The following PCDH17 variants were observed in gnomAD, a reference collection of about 807,000 sequenced individuals.
PCDH17 encodes protocadherin 17, also known as protocadherin-17.
A neutral mutation model predicts 67.7 loss-of-function variants in PCDH17; 21 were observed. The ratio of observed to expected loss-of-function variants is 0.31; its 90% CI spans 0.22 to 0.45. The LOEUF is 0.45. Among genes scored for constraint, PCDH17 ranks in the 20% least tolerant of loss-of-function variants. The pLI, the probability that PCDH17 is intolerant of heterozygous loss-of-function variation, is 1.00. For synonymous variants in PCDH17, 701 were observed against 656.7 expected (o/e 1.07, Z -1.03); for missense variants, 1,471 against 1,564.8 (o/e 0.94, Z 1.01).
chr13:57,710,977 T>C (rs1383017143), intron 3 of PCDH17, among the ~76,000 whole-genome samples: 1 of 151,758 alleles, frequency 6.6e-6, no homozygotes, highest in Non-Finnish European at 1.5e-5. Context: ...AGTGTGCATG[T>C]GCATGCACAC....
intron 3 of PCDH17, among the ~76,000 whole-genome samples, chr13:57,721,745 C>T (rs1364465000): frequency 6.6e-6 from 1 of 152,038 alleles, no homozygotes; most frequent in Non-Finnish European, 1.5e-5. Context: ...ATTCTCGTTT[C>T]CCTCCTTCCC....
At position 57,635,259 on chromosome 13, in the gene PCDH17, G is replaced by A. The variant is rs922475582; in HGVS notation, c.2565+148G>A. On this transcript the variant is annotated intron_variant, in intron 1 of 3. Coordinates refer to ENST00000377918, the MANE Select transcript of PCDH17 (RefSeq NM_001040429.3). ...AAACGGTTTACACTTTTGACACTGT[G>A]TATACATCATATTCTACATATAACC... 6 of 718,792 alleles carry A rather than the reference G, an allele frequency of 8.3e-6. No homozygotes were observed. In the Admixed American group the frequency reaches 1.2e-4, roughly 14 times the overall value. The allele number at this position is 718,792 out of a possible 1,614,324, so 44.5% of individuals were successfully genotyped here.
intron 1 of PCDH17, among the ~76,000 whole-genome samples, chr13:57,663,863 C>T (rs1818009057): frequency 6.6e-6 from 1 of 152,080 alleles, no homozygotes; most frequent in African/African-American, 2.4e-5. Flanking sequence ...CTCTCTCCCA[C>T]TTTCTTTCTC....
chr13:57,631,632 G>T (rs141794282), upstream of PCDH17, among the ~76,000 whole-genome samples: 473 of 152,270 alleles, frequency 3.1e-3, 1 homozygote, highest in African/African-American at 0.01. Context: ...CACAGCAAAT[G>T]CTGATCAGGC....
At chr13:57,717,563 C>T (rs2138097432) in intron 3 of PCDH17, among the ~76,000 whole-genome samples, 1 of 152,030 alleles carries the variant, frequency 6.6e-6, no homozygotes, top group South Asian at 2.1e-4. Flanking sequence ...CTCCAAATAC[C>T]CAGCTGTGAT....
intron 3 of PCDH17, among the ~76,000 whole-genome samples, chr13:57,699,977 A>G (rs1031873819): frequency 4.6e-5 from 7 of 152,134 alleles, no homozygotes; most frequent in Non-Finnish European, 8.8e-5. Flanking sequence ...ATCTTATGTC[A>G]TGGTTTACTC....
intron 3 of PCDH17, among the ~76,000 whole-genome samples, chr13:57,685,286 G>A (rs958637035): frequency 6.6e-6 from 1 of 151,658 alleles, no homozygotes; most frequent in African/African-American, 2.4e-5. Context: ...TAAAAATATT[G>A]GACAAGGTAA....
chr13:57,727,297 G>A lies in PCDH17; in HGVS notation c.*2003G>A, dbSNP rs1566251333. The A allele has an allele frequency of 6.6e-6, 1 of 152,518 alleles. No individual in the cohort carries two copies. The highest frequency in any genetic ancestry group is 1.5e-5 in the Non-Finnish European group (1 of 67,996). The allele number at this position is 152,518 out of a possible 1,614,324, so 9.4% of individuals were successfully genotyped here. A position where few individuals can be genotyped will look rare whatever the true frequency, so the allele number is the denominator to read the frequency against. Reference sequence around the variant, plus strand: ...CAGAAAAATGCATTATTTGCAAACTGGTGGATAATTTTGTGCCTTCTCTTC... The same window carrying A: ...CAGAAAAATGCATTATTTGCAAACTAGTGGATAATTTTGTGCCTTCTCTTC... On this transcript the variant is annotated 3_prime_UTR_variant, in exon 4 of 4. Transcript: ENST00000377918.
intron 1 of PCDH17, among the ~76,000 whole-genome samples, chr13:57,657,493 C>T (rs1223102062): frequency 6.6e-6 from 1 of 152,150 alleles, no homozygotes; most frequent in Admixed American, 6.5e-5. Flanking sequence ...CTTAAAATGC[C>T]GTTGCCTACT....
At chr13:57,670,038 A>C (rs1237588526) in intron 3 of PCDH17, among the ~76,000 whole-genome samples, 2 of 152,052 alleles carry the variant, frequency 1.3e-5, no homozygotes, top group African/African-American at 4.8e-5. Flanking sequence ...GATATTAAGT[A>C]ACTATTAAGC....
chr13:57,708,012 T>A (rs1409237087), intron 3 of PCDH17, among the ~76,000 whole-genome samples: 1 of 152,068 alleles, frequency 6.6e-6, no homozygotes. Context: ...TGGGGGGCAG[T>A]ATCCAATCAA....
At chr13:57,664,781 T>G (rs180755711) in intron 1 of PCDH17, among the ~76,000 whole-genome samples, 1 of 152,336 alleles carries the variant, frequency 6.6e-6, no homozygotes, top group Non-Finnish European at 1.5e-5. Flanking sequence ...TTTTATTAAA[T>G]TAAAATGTGA....
chr13:57,690,184 A>G (rs1244241425), intron 3 of PCDH17, among the ~76,000 whole-genome samples: 1 of 151,708 alleles, frequency 6.6e-6, no homozygotes, highest in African/African-American at 2.4e-5. Context: ...CATGCATGAA[A>G]AATAATTATT....
At chr13:57,710,678 A>C (rs1026606473) in intron 3 of PCDH17, among the ~76,000 whole-genome samples, 1 of 151,958 alleles carries the variant, frequency 6.6e-6, no homozygotes, top group Admixed American at 6.6e-5. Context: ...GTTTCTGCAT[A>C]GTTTAATCAC....
intron 3 of PCDH17, among the ~76,000 whole-genome samples, chr13:57,671,927 G>A (rs1246597279): frequency 6.6e-6 from 1 of 151,674 alleles, no homozygotes; most frequent in African/African-American, 2.4e-5. Context: ...TGCTTCCCAG[G>A]GATTACCATT....
intron 1 of PCDH17, among the ~76,000 whole-genome samples, chr13:57,665,744 G>A (rs1467643934): frequency 6.6e-6 from 1 of 152,174 alleles, no homozygotes; most frequent in African/African-American, 2.4e-5. Context: ...CAGTTTGGAA[G>A]CAGTAAAAAC....
intron 1 of PCDH17, among the ~76,000 whole-genome samples, chr13:57,658,303 T>G (rs979478991): frequency 9.2e-5 from 14 of 152,176 alleles, no homozygotes; most frequent in Non-Finnish European, 1.8e-4. Context: ...ATGTTTCGTT[T>G]GAATCTTTTT....
intron 1 of PCDH17, among the ~76,000 whole-genome samples, chr13:57,645,701 T>A (rs1381070218): frequency 6.6e-6 from 1 of 151,004 alleles, no homozygotes; most frequent in Non-Finnish European, 1.5e-5. Flanking sequence ...GTATATGGTA[T>A]ATATAATATA....
chr13:57,640,091 GA>G (rs750260770), intron 1 of PCDH17, among the ~76,000 whole-genome samples: 15 of 151,668 alleles, frequency 9.9e-5, no homozygotes, highest in Non-Finnish European at 1.5e-4. Flanking sequence ...ATTTTAAGAG[GA>G]AAAAACCTTC....
Sources: allele counts gnomAD v4.1 joint callset (sites outside exome capture counted in the v4.1 genomes callset), GRCh38; gene constraint gnomAD v4.1.1; transcripts MANE v1.5; gene names NCBI Gene and HGNC (gene_info 2026-07-23, HGNC 2026-07-21).